Variants in HDAC4 observed in about 807,000 individuals in gnomAD.
The protein encoded by HDAC4 is histone deacetylase 4.
In HDAC4, 16 loss-of-function variants were observed where a neutral mutation model predicts 135.1. That is an observed-to-expected ratio of 0.12 (90% confidence interval 0.08 to 0.18). The LOEUF (loss-of-function observed/expected upper bound fraction) is 0.18, where lower values mean the gene tolerates loss of function less well. Ranked by LOEUF, HDAC4 falls within the 10% of genes least tolerant of loss-of-function variation. The pLI is 1.00. For synonymous variants in HDAC4, 685 were observed against 653.4 expected, an observed-to-expected ratio of 1.05 and a Z score of -0.74; for missense variants, 1,143 against 1,511.8, an observed-to-expected ratio of 0.76 and a Z score of 4.05.
chr2:239,250,874 G>A (rs573191055), intron 2 of HDAC4, among the ~76,000 whole-genome samples: 13 of 152,324 alleles, frequency 8.5e-5, no homozygotes, highest in African/African-American at 1.7e-4. Flanking sequence ...ACTCGGGGGC[G>A]GTTTTCCCTC....
chr2:239,185,573 G>A (rs60083539), intron 4 of HDAC4, among the ~76,000 whole-genome samples: 4,335 of 152,086 alleles, frequency 0.029, 201 homozygotes, highest in African/African-American at 0.098. Context: ...GGTGGGTGCC[G>A]GGGCCCAGTC....
intron 2 of HDAC4, among the ~76,000 whole-genome samples, chr2:239,343,836 G>A (rs10203767): frequency 0.03 from 4,504 of 152,206 alleles, 235 homozygotes; most frequent in African/African-American, 0.1. Flanking sequence ...CCTCTGATGC[G>A]CTGCCCAGCC....
chr2:239,197,542 T>TGGAA (rs1463199441), intron 3 of HDAC4, among the ~76,000 whole-genome samples: 1 of 152,202 alleles, frequency 6.6e-6, no homozygotes, highest in African/African-American at 2.4e-5. Context: ...TCTCTCCTTC[T>TGGAA]GGAACTTCTA....
intron 9 of HDAC4, among the ~76,000 whole-genome samples, chr2:239,135,481 C>T (rs533397517): frequency 6.6e-6 from 1 of 152,342 alleles, no homozygotes; most frequent in South Asian, 2.1e-4. Flanking sequence ...TGAAACCCAA[C>T]AAATTGGCAA....
intron 1 of HDAC4, among the ~76,000 whole-genome samples, chr2:239,397,828 T>C (rs1696667442): frequency 6.6e-6 from 1 of 152,044 alleles, no homozygotes; most frequent in African/African-American, 2.4e-5. Context: ...GCACCCCTCA[T>C]CTGACCTGAA....
chr2:239,229,932 T>TC (rs553156607), intron 3 of HDAC4, among the ~76,000 whole-genome samples: 79 of 151,830 alleles, frequency 5.2e-4, no homozygotes, highest in African/African-American at 1.8e-3. Context: ...AATGCAAATT[T>TC]CCCCCCCAAG....
rs551957372 is a variant in HDAC4, at chr2:239,399,004, T to C, written c.-220+1974A>G. On this transcript the variant is annotated intron_variant, in intron 1 of 26. Coordinates refer to ENST00000543185, the MANE Select transcript of HDAC4 (RefSeq NM_001378414.1). ...TAAAAGCCCAGAACACAGAAAGCTA[T>C]AGAAGTCTTACAATGTGTTGGGGTG... Among the ~76,000 whole-genome samples the C allele has an allele frequency of 7.9e-5, 12 of 152,352 alleles. No homozygotes were observed. In the East Asian group the frequency reaches 2.1e-3, roughly 27 times the overall value.
chr2:239,321,282 G>A (rs933551744), intron 2 of HDAC4, among the ~76,000 whole-genome samples: 1 of 151,976 alleles, frequency 6.6e-6, no homozygotes, highest in African/African-American at 2.4e-5. Flanking sequence ...TGGCTCACAC[G>A]GTGAAACCCC....
chr2:239,190,169 C>CGG, intron 3 of HDAC4, 92 bp from the exon 4 acceptor site: 3 of 1,291,478 alleles, frequency 2.3e-6, no homozygotes, highest in African/African-American at 2.1e-5. Context: ...GCCACCTTCA[C>CGG]GGGGCGGGGG....
At chr2:239,253,892 G>A (rs1235287162) in intron 2 of HDAC4, among the ~76,000 whole-genome samples, 1 of 152,146 alleles carries the variant, frequency 6.6e-6, no homozygotes, top group Non-Finnish European at 1.5e-5. Flanking sequence ...GGCCATGAGC[G>A]TGGCTTGGAC....
chr2:239,068,280 G>A lies in HDAC4; in HGVS notation c.2869+209C>T, dbSNP rs1014015760. On this transcript the variant is annotated intron_variant, in intron 23 of 26. Coordinates refer to ENST00000543185, the MANE Select transcript of HDAC4 (RefSeq NM_001378414.1). The surrounding 1 kb of genome is among the most constrained non-coding windows in gnomAD (Gnocchi z 4.4). ...GGCCCTTCCTGGGCAAAGAGTGCCC[G>A]AGGTGCCTGGGTCTGAGCTCCCGCT... is the stretch of plus-strand genomic sequence containing the variant. Among the ~76,000 whole-genome samples, 2 of 152,200 alleles carry A rather than the reference G, an allele frequency of 1.3e-5. No individual in the cohort carries two copies. The highest frequency in any genetic ancestry group is 2.4e-5 in the African/African-American group (1 of 41,464).
chr2:239,298,310 G>A (rs2052035810), intron 2 of HDAC4: 1 of 1,244,066 alleles, frequency 8.0e-7, no homozygotes, highest in African/African-American at 1.6e-5. Context: ...AGCTGGGGGA[G>A]CCCCTGGGCA....
chr2:239,080,971 C>A, intron 22 of HDAC4, 124 bp downstream of exon 22: 4 of 701,832 alleles, frequency 5.7e-6, no homozygotes, highest in South Asian at 1.7e-5. Context: ...CTCCTCCGGA[C>A]CCCACAGCCC....
chr2:239,326,419 G>T (rs1483772318), intron 2 of HDAC4, among the ~76,000 whole-genome samples: 3 of 152,174 alleles, frequency 2.0e-5, no homozygotes, highest in African/African-American at 7.2e-5. Context: ...AGATGAAAAC[G>T]TTCTGGGAAT....
chr2:239,231,346 C>T (rs2047541667), intron 3 of HDAC4, among the ~76,000 whole-genome samples: 1 of 152,222 alleles, frequency 6.6e-6, no homozygotes, highest in Non-Finnish European at 1.5e-5. Flanking sequence ...GGATGTCTTT[C>T]TCCCCAGTAG....
chr2:239,259,816 A>G (rs1343157542), intron 2 of HDAC4, among the ~76,000 whole-genome samples: 1 of 152,266 alleles, frequency 6.6e-6, no homozygotes, highest in Non-Finnish European at 1.5e-5. Context: ...AGCCTGTGGT[A>G]TGGCGTGAGC....
chr2:239,388,525 G>A (rs1402799952), intron 1 of HDAC4, among the ~76,000 whole-genome samples: 8 of 152,338 alleles, frequency 5.3e-5, no homozygotes, highest in Middle Eastern at 3.4e-3. Context: ...ATGACCAGCA[G>A]AGCCTTGGTC....
At chr2:239,364,620 G>T (rs1213679687) in intron 1 of HDAC4, among the ~76,000 whole-genome samples, 1 of 152,250 alleles carries the variant, frequency 6.6e-6, no homozygotes, top group African/African-American at 2.4e-5. Flanking sequence ...TTCACTTGCA[G>T]AAAGTCAGCA....
At chr2:239,097,758 C>T (rs541556056) in intron 16 of HDAC4, among the ~76,000 whole-genome samples, 2 of 152,346 alleles carry the variant, frequency 1.3e-5, no homozygotes, top group South Asian at 2.1e-4. Flanking sequence ...ACCTGCTGTC[C>T]TGCTTGCTGC....
Sources: gnomAD v4.1 joint callset for allele counts (sites outside exome capture counted in the v4.1 genomes callset) on GRCh38, gnomAD v4.1.1 for gene constraint, Gnocchi (gnomAD v3.1) non-coding constraint, MANE v1.5 for transcripts, NCBI Gene and HGNC (gene_info 2026-07-23, HGNC 2026-07-21) for gene names.